Variants in OR4F16 observed in about 807,000 individuals in gnomAD.
OR4F16 encodes the protein olfactory receptor 4F3/4F16/4F29.
the OR4F16 span, among the ~76,000 whole-genome samples, chr1:702,798 A>G: frequency 0.075 from 56 of 744 alleles, no homozygotes; most frequent in Middle Eastern, 0.25. Context: ...GAAATTTATA[A>G]AATACCGAGA....
the OR4F16 span, chr1:701,948 T>C: frequency 9.3e-5 from 14 of 150,794 alleles, no homozygotes; most frequent in Middle Eastern, 0.014. Flanking sequence ...AATCTCCTTA[T>C]CATCTACCTG....
At chr1:679,908 C>CA in the OR4F16 span, among the ~76,000 whole-genome samples, 23 of 122,334 alleles carry the variant, frequency 1.9e-4, 1 homozygote, top group South Asian at 8.7e-4. Flanking sequence ...AGAGACACAA[C>CA]AAAAAAAAAG....
chr1:702,524 CAACAG>C, the OR4F16 span, among the ~76,000 whole-genome samples: 1 of 74,002 alleles, frequency 1.4e-5, no homozygotes, highest in South Asian at 7.6e-4. Context: ...TATGTGATGA[CAACAG>C]AATATATTAT....
chr1:687,397 CT>C (rs1643019752), upstream of OR4F16, among the ~76,000 whole-genome samples: 1 of 137,484 alleles, frequency 7.3e-6, no homozygotes, highest in Admixed American at 7.1e-5. Context: ...TCATGTAAGG[CT>C]TTTTCCATGC....
chr1:687,839 CA>C (rs1237156506), upstream of OR4F16, among the ~76,000 whole-genome samples: 112 of 7,778 alleles, frequency 0.014, no homozygotes, highest in African/African-American at 0.049. Flanking sequence ...CTATAAAGTA[CA>C]AACTGTGACA....
At chr1:701,441 A>G in the OR4F16 span, among the ~76,000 whole-genome samples, 1 of 149,874 alleles carries the variant, frequency 6.7e-6, no homozygotes, top group Non-Finnish European at 1.5e-5. Context: ...TTAAGAAATT[A>G]AAGTTAGATT....
the OR4F16 span, chr1:711,920 C>A: frequency 1.2e-5 from 1 of 83,366 alleles, no homozygotes; most frequent in South Asian, 4.0e-4. Context: ...TCATATGGAT[C>A]AGCTAGAAAA....
chr1:682,333 AT>A (rs1448842885), downstream of OR4F16, among the ~76,000 whole-genome samples: 1 of 40,458 alleles, frequency 2.5e-5, no homozygotes, highest in Non-Finnish European at 5.3e-5. Flanking sequence ...TTAAAAAAAA[AT>A]CTCAAACAAC....
At chr1:702,435 A>G in the OR4F16 span, 2 of 146,016 alleles carry the variant, frequency 1.4e-5, no homozygotes, top group African/African-American at 5.0e-5. Flanking sequence ...ATTCCTAATT[A>G]TGATTTCTTT....
At chr1:691,269 C>A (rs1464991861), upstream of OR4F16, among the ~76,000 whole-genome samples, 8 of 151,996 alleles carry the variant, frequency 5.3e-5, no homozygotes, top group African/African-American at 1.9e-4. Context: ...AAGTGACTTT[C>A]AAGTATAGAA....
At chr1:680,077 AC>A in the OR4F16 span, among the ~76,000 whole-genome samples, 5 of 126,488 alleles carry the variant, frequency 4.0e-5, 2 homozygotes, top group South Asian at 1.4e-3. Context: ...AAATCAATAA[AC>A]ATAATTCATC....
At chr1:702,308 T>C in the OR4F16 span, 1 of 144,220 alleles carries the variant, frequency 6.9e-6, no homozygotes, top group South Asian at 2.3e-4. Flanking sequence ...AATCACGCCA[T>C]TGCACTCCAG....
upstream of OR4F16, among the ~76,000 whole-genome samples, chr1:690,118 T>C (rs1444288023): frequency 5.9e-4 from 65 of 109,494 alleles, no homozygotes; most frequent in Admixed American, 1.0e-3. Context: ...CAGAGTTTCT[T>C]TGAAAAGCAC....
At chr1:690,869 TTATTA>T (rs1311090030), upstream of OR4F16, among the ~76,000 whole-genome samples, 1 of 148,212 alleles carries the variant, frequency 6.7e-6, no homozygotes, top group Non-Finnish European at 1.5e-5. Flanking sequence ...GAACAATAAT[TTATTA>T]TATATTCTAA....
At chr1:717,445 CTG>C in the OR4F16 span, among the ~76,000 whole-genome samples, 3 of 117,174 alleles carry the variant, frequency 2.6e-5, no homozygotes, top group African/African-American at 3.5e-5. Context: ...TTTTTTAAAA[CTG>C]AAAAAAATCC....
At chr1:710,281 GAA>G in the OR4F16 span, among the ~76,000 whole-genome samples, 1 of 122,484 alleles carries the variant, frequency 8.2e-6, no homozygotes, top group Non-Finnish European at 1.7e-5. Flanking sequence ...ATAAAAATGA[GAA>G]AACAAAAAAG....
At chr1:691,211 G>T (rs1310412010), upstream of OR4F16, among the ~76,000 whole-genome samples, 1 of 151,962 alleles carries the variant, frequency 6.6e-6, no homozygotes, top group Admixed American at 6.5e-5. Context: ...CTACCACATA[G>T]TATAGCACAA....
At chr1:715,578 G>C in the OR4F16 span, among the ~76,000 whole-genome samples, 1 of 91,900 alleles carries the variant, frequency 1.1e-5, no homozygotes, top group African/African-American at 5.0e-5. Flanking sequence ...GCTTATGTCT[G>C]TAATATCAGC....
chr1:687,950 CTCAA>C (rs1485903021), upstream of OR4F16, among the ~76,000 whole-genome samples: 15 of 1,254 alleles, frequency 0.012, no homozygotes, highest in African/African-American at 0.041. Context: ...GGATACTCAC[CTCAA>C]TCATTTTCCT....
Sources: gnomAD v4.1 joint callset for allele counts (sites outside exome capture counted in the v4.1 genomes callset) on GRCh38, gnomAD v4.1.1 for gene constraint, MANE v1.5 for transcripts, NCBI Gene and HGNC (gene_info 2026-07-23, HGNC 2026-07-21) for gene names.